LARGE1: variants seen among roughly 807,000 people sequenced by gnomAD.
The protein encoded by LARGE1 is xylosyl- and glucuronyltransferase LARGE1.
LARGE1 carries 43 observed loss-of-function variants against 87.6 expected under a neutral mutation model. The observed-to-expected ratio is 0.49, with a 90% CI of 0.38 to 0.63. LARGE1 has a LOEUF of 0.63. Ranked by LOEUF, LARGE1 falls within the 30% of genes least tolerant of loss-of-function variation. LARGE1 has a pLI of 0.00. For missense variants in LARGE1, 802 were observed against 1,000.2 expected (o/e 0.80, Z 2.67); for synonymous variants, 434 against 394.6 (o/e 1.10, Z -1.18).
intron 3 of LARGE1, among the ~76,000 whole-genome samples, chr22:33,627,229 C>A (rs1187610577): frequency 6.6e-6 from 1 of 152,210 alleles, no homozygotes; most frequent in Non-Finnish European, 1.5e-5. Flanking sequence ...TTTCCTCCTG[C>A]ATCATAGCAG....
At chr22:33,100,928 G>C in the LARGE1 span, among the ~76,000 whole-genome samples, 2 of 151,580 alleles carry the variant, frequency 1.3e-5, no homozygotes, top group African/African-American at 4.9e-5. Flanking sequence ...CCACCTGGGA[G>C]GCAGACTCCC....
intron 11 of LARGE1, among the ~76,000 whole-genome samples, chr22:33,190,659 C>T (rs767987462): frequency 1.3e-5 from 2 of 151,926 alleles, no homozygotes; most frequent in South Asian, 2.1e-4. Context: ...GGGAGGGGTC[C>T]GATCAGTTTC....
chr22:33,207,157 G>T (rs946989991), intron 11 of LARGE1, among the ~76,000 whole-genome samples: 4 of 152,148 alleles, frequency 2.6e-5, no homozygotes, highest in African/African-American at 9.7e-5. Flanking sequence ...ATGAGGTAAA[G>T]CTAGTACTAT....
chr22:33,829,828 G>C (rs146057320), intron 1 of LARGE1, among the ~76,000 whole-genome samples: 1 of 152,148 alleles, frequency 6.6e-6, no homozygotes, highest in African/African-American at 2.4e-5. Flanking sequence ...CAGGGGGACA[G>C]GTCCTCAGGA....
chr22:33,271,451 A>C (rs561861932), downstream of LARGE1, among the ~76,000 whole-genome samples: 1 of 152,178 alleles, frequency 6.6e-6, no homozygotes, highest in African/African-American at 2.4e-5. Flanking sequence ...ATGCCTGCCA[A>C]AGGCTTCTGC....
At chr22:33,835,985 T>C (rs2063098165) in intron 1 of LARGE1, among the ~76,000 whole-genome samples, 1 of 152,238 alleles carries the variant, frequency 6.6e-6, no homozygotes, top group Non-Finnish European at 1.5e-5. Flanking sequence ...ATAAATGGGA[T>C]TCTGTAAAGC....
At chr22:33,668,436 AGC>A (rs2081323711) in intron 2 of LARGE1, among the ~76,000 whole-genome samples, 1 of 152,248 alleles carries the variant, frequency 6.6e-6, no homozygotes, top group Non-Finnish European at 1.5e-5. Context: ...AGAGGCATTT[AGC>A]TGCTCCAGCT....
intron 2 of LARGE1, among the ~76,000 whole-genome samples, chr22:33,683,224 T>C (rs1015950642): frequency 9.9e-5 from 15 of 152,172 alleles, no homozygotes; most frequent in African/African-American, 3.4e-4. Flanking sequence ...ATAAAGAAGA[T>C]TGCCCTCCCT....
At chr22:33,646,722 T>A (rs2149165342) in intron 3 of LARGE1, among the ~76,000 whole-genome samples, 2 of 152,272 alleles carry the variant, frequency 1.3e-5, no homozygotes, top group Non-Finnish European at 2.9e-5. Flanking sequence ...GTGGTTTCCT[T>A]TTTTTGTTTT....
the LARGE1 span, among the ~76,000 whole-genome samples, chr22:33,142,569 C>T: frequency 1.3e-5 from 2 of 152,194 alleles, no homozygotes; most frequent in South Asian, 2.1e-4. Context: ...AGAACTTCTA[C>T]ACTCCAGAGC....
At chr22:33,898,932 C>T (rs1280868972) in intron 1 of LARGE1, among the ~76,000 whole-genome samples, 10 of 152,198 alleles carry the variant, frequency 6.6e-5, no homozygotes, top group Non-Finnish European at 1.5e-4. Flanking sequence ...CAAGTCCTCA[C>T]GCAACTGTAT....
At chr22:33,743,628 T>C (rs2083971430) in intron 2 of LARGE1, among the ~76,000 whole-genome samples, 1 of 152,186 alleles carries the variant, frequency 6.6e-6, no homozygotes, top group South Asian at 2.1e-4. Context: ...TAAATTCCTG[T>C]CCACCATAGA....
At chr22:33,369,140 A>G (rs988752885) in intron 9 of LARGE1, among the ~76,000 whole-genome samples, 3 of 152,356 alleles carry the variant, frequency 2.0e-5, no homozygotes, top group African/African-American at 4.8e-5. Context: ...ATTGGAGCCA[A>G]TCTTCTCAAA....
chr22:33,873,780 C>T (rs2064378277), intron 1 of LARGE1, among the ~76,000 whole-genome samples: 1 of 151,990 alleles, frequency 6.6e-6, no homozygotes, highest in African/African-American at 2.4e-5. Flanking sequence ...CTCCTTTCCA[C>T]CAGGCCTAGG....
At chr22:33,772,569 T>A (rs1002707274) in intron 1 of LARGE1, among the ~76,000 whole-genome samples, 1 of 151,978 alleles carries the variant, frequency 6.6e-6, no homozygotes, top group African/African-American at 2.4e-5. Flanking sequence ...TGCATCCTTA[T>A]CCCTCTAGAC....
intron 13 of LARGE1, among the ~76,000 whole-genome samples, chr22:33,278,042 A>G (rs1450842776): frequency 2.6e-5 from 4 of 152,174 alleles, no homozygotes; most frequent in Admixed American, 1.3e-4. Flanking sequence ...TATATGGCAG[A>G]AGGGATTGTT....
At position 33,187,007 on chromosome 22, in the gene LARGE1, G is replaced by A. The variant is rs547071103; in HGVS notation, c.1731-20175C>T. Among the ~76,000 whole-genome samples the A allele has an allele frequency of 8.1e-4, 123 of 152,270 alleles. 1 individual carries two copies. Among genetic ancestry groups the A allele is most frequent in the African/African-American group, 2.6e-3 (110 of 41,554 alleles). ...CCATTAGTGTCAGAAATAGATGCAT[G>A]CTTCTATGCTCAATTGATTTTTGAA... On this transcript the variant is annotated intron_variant, in intron 11 of 11. Transcript: ENST00000608642.
intron 4 of LARGE1, among the ~76,000 whole-genome samples, chr22:33,619,988 G>A (rs1602750341): frequency 6.6e-6 from 1 of 152,298 alleles, no homozygotes; most frequent in East Asian, 1.9e-4. Context: ...CCCAGCTCAG[G>A]CCTGGTAGGA....
chr22:33,221,387 T>C (rs886241286), intron 11 of LARGE1, among the ~76,000 whole-genome samples: 7 of 152,116 alleles, frequency 4.6e-5, no homozygotes, highest in Non-Finnish European at 7.4e-5. Flanking sequence ...TGAGTAAAGG[T>C]TGGGACATAG....
Sources: allele counts gnomAD v4.1 joint callset (sites outside exome capture counted in the v4.1 genomes callset), GRCh38; gene constraint gnomAD v4.1.1; transcripts MANE v1.5; gene names NCBI Gene and HGNC (gene_info 2026-07-23, HGNC 2026-07-21).